The following PHKB variants were observed in gnomAD, a reference collection of about 807,000 sequenced individuals.
The protein encoded by PHKB is phosphorylase b kinase regulatory subunit beta.
Under a neutral mutation model 152.1 loss-of-function variants are expected in PHKB, and 122 were observed. That is an observed-to-expected ratio of 0.80 (90% confidence interval 0.69 to 0.93). The LOEUF (loss-of-function observed/expected upper bound fraction) is 0.93, where lower values mean the gene tolerates loss of function less well. PHKB is among the 40% of genes least tolerant of loss of function. The probability of loss-of-function intolerance (pLI) is 0.00; values close to 1 mark genes in which losing one functional copy is unlikely to be tolerated. For synonymous variants in PHKB, 436 were observed against 464.9 expected (o/e 0.94, Z 0.80); for missense variants, 1,304 against 1,328.4 (o/e 0.98, Z 0.29).
chr16:47,512,633 A>G (rs972901718), intron 5 of PHKB, among the ~76,000 whole-genome samples: 1 of 152,182 alleles, frequency 6.6e-6, no homozygotes, highest in African/African-American at 2.4e-5. Flanking sequence ...TAAATTTTAT[A>G]CCTATGCTTA....
intron 7 of PHKB, among the ~76,000 whole-genome samples, chr16:47,579,455 G>A (rs1971805902): frequency 6.6e-6 from 1 of 152,088 alleles, no homozygotes; most frequent in South Asian, 2.1e-4. Flanking sequence ...CTGCTCTGGG[G>A]ACCATAGTTT....
chr16:47,555,748 G>C (rs910127307), intron 7 of PHKB, among the ~76,000 whole-genome samples: 1 of 152,166 alleles, frequency 6.6e-6, no homozygotes, highest in African/African-American at 2.4e-5. Flanking sequence ...GGATTGACTT[G>C]GCGATGTGGG....
At chr16:47,505,670 G>T (rs1338195519) in intron 4 of PHKB, 1 of 152,150 alleles carries the variant, frequency 6.6e-6, no homozygotes, top group Non-Finnish European at 1.5e-5. Flanking sequence ...AAGTAACTTT[G>T]CAGGCAGTTT....
intron 12 of PHKB, 104 bp from the exon 13 acceptor site, chr16:47,596,269 T>A (rs1972117235): frequency 3.7e-6 from 3 of 821,694 alleles, no homozygotes; most frequent in Non-Finnish European, 5.8e-6. Context: ...TTAAAACTCC[T>A]TCCTTTATAA....
intron 1 of PHKB, among the ~76,000 whole-genome samples, chr16:47,482,140 G>A (rs1969974523): frequency 6.6e-6 from 1 of 152,236 alleles, no homozygotes; most frequent in South Asian, 2.1e-4. Context: ...ACTATAGGTA[G>A]GTCTTTGCAA....
chr16:47,646,531 A>T (rs1334262106), intron 16 of PHKB, among the ~76,000 whole-genome samples: 3 of 128,194 alleles, frequency 2.3e-5, no homozygotes, highest in Non-Finnish European at 4.9e-5. Context: ...AGAGTATAAT[A>T]AAAAAAAAAA....
chr16:47,566,456 C>T, intron 7 of PHKB: 3 of 1,609,198 alleles, frequency 1.9e-6, no homozygotes, highest in South Asian at 1.1e-5. Flanking sequence ...GCAGGGAATC[C>T]AGGTCCTCAA....
chr16:47,698,809 A>G (rs1974199911), intron 30 of PHKB, among the ~76,000 whole-genome samples: 1 of 152,112 alleles, frequency 6.6e-6, no homozygotes. Flanking sequence ...AAAGAGATCT[A>G]GAAAGAGATA....
intron 1 of PHKB, among the ~76,000 whole-genome samples, chr16:47,472,554 G>A (rs532176176): frequency 3.3e-5 from 5 of 152,136 alleles, no homozygotes; most frequent in Admixed American, 6.5e-5. Context: ...AGGCCGAGAC[G>A]GGCGGATCAC....
At position 47,596,187 on chromosome 16, in the gene PHKB, C is replaced by T. The variant is rs573434630; in HGVS notation, c.1205-186C>T. Among the ~76,000 whole-genome samples the T allele has an allele frequency of 2.6e-5, 4 of 152,212 alleles. No homozygotes were observed. The East Asian group carries it at 5.8e-4, about 22-fold the overall frequency. ...CCCTCTTGCCTGCCACCATATAAAA[C>T]GTACCTTTGCTCTTCCTTCGCCTTC... On this transcript the variant is annotated intron_variant, in intron 12 of 30. Transcript: ENST00000323584.
chr16:47,496,531 C>T (rs1263012451), intron 1 of PHKB, among the ~76,000 whole-genome samples: 1 of 152,034 alleles, frequency 6.6e-6, no homozygotes, highest in African/African-American at 2.4e-5. Flanking sequence ...GTGCTATGTT[C>T]TTAGGCTATA....
At chr16:47,645,058 A>C (rs1349060019) in intron 16 of PHKB, among the ~76,000 whole-genome samples, 4 of 152,264 alleles carry the variant, frequency 2.6e-5, no homozygotes, top group Non-Finnish European at 5.9e-5. Context: ...CAAATTCCCC[A>C]TAGAAAAGGG....
At position 47,693,488 on chromosome 16, in the gene PHKB, C is replaced by T. The variant is rs764252270; in HGVS notation, c.2876C>T (p.Ala959Val). 1 of 1,613,908 alleles carries T rather than the reference C, an allele frequency of 6.2e-7. No individual in the cohort carries two copies. The highest frequency in any genetic ancestry group is 8.5e-7 in the Non-Finnish European group (1 of 1,180,004). Reference sequence around the variant, plus strand: ...CGCACGCCCAATGGGATCATTGTTGCTGGGAAGCATTTGCCTCAGGTAAAG... The same window carrying T: ...CGCACGCCCAATGGGATCATTGTTGTTGGGAAGCATTTGCCTCAGGTAAAG... ...LERTPNGIIV[A>V]GKHLPQQPTL... Residue 959 changes from alanine to valine, a missense_variant, in exon 28 of 31, where the codon GCT becomes GTT. By Grantham distance (64) the Ala-to-Val change is moderately conservative. Coordinates refer to ENST00000323584, the MANE Select transcript of PHKB (RefSeq NM_000293.3).
intron 10 of PHKB, among the ~76,000 whole-genome samples, chr16:47,589,883 C>T (rs1567317615): frequency 6.6e-6 from 1 of 152,124 alleles, no homozygotes; most frequent in Non-Finnish European, 1.5e-5. Context: ...CTCCTGGGTT[C>T]AAGCAATTCT....
intron 13 of PHKB, among the ~76,000 whole-genome samples, chr16:47,607,183 A>G (rs1176905805): frequency 6.6e-6 from 1 of 152,138 alleles, no homozygotes; most frequent in Non-Finnish European, 1.5e-5. Context: ...TACATACCAT[A>G]TATTTTACCT....
intron 6 of PHKB, among the ~76,000 whole-genome samples, chr16:47,537,997 A>G (rs865995932): frequency 1.3e-5 from 2 of 151,746 alleles, no homozygotes; most frequent in African/African-American, 2.4e-5. Flanking sequence ...GGCTCAAGCA[A>G]TCTTCCCACC....
rs144728855 is a variant in PHKB at position 47,536,910 on chromosome 16, C to T, written c.595-10523C>T. ...AGACTTCACTAAGAAAAGTTTTGAACGGGGGCTGAAGGAAGATTCATAGAA... is the reference window on the plus strand; with the variant it reads ...AGACTTCACTAAGAAAAGTTTTGAATGGGGGCTGAAGGAAGATTCATAGAA... On this transcript the variant is annotated intron_variant, in intron 6 of 30. Transcript: ENST00000323584. Among the ~76,000 whole-genome samples, 109 of 152,174 alleles carry T rather than the reference C, an allele frequency of 7.2e-4. 1 individual carries two copies. The highest frequency in any genetic ancestry group is 2.3e-3 in the African/African-American group (96 of 41,516).
At chr16:47,588,834 A>G (rs536289329) in intron 9 of PHKB, 71 bp from the exon 10 acceptor site, 36 of 1,327,700 alleles carry the variant, frequency 2.7e-5, no homozygotes, top group Non-Finnish European at 3.4e-5. Flanking sequence ...TTTCATCTCT[A>G]TCATTCTCCT....
chr16:47,634,060 G>A (rs1351416009), intron 14 of PHKB, among the ~76,000 whole-genome samples: 2 of 152,128 alleles, frequency 1.3e-5, no homozygotes, highest in Admixed American at 1.3e-4. Flanking sequence ...TTGATAGATG[G>A]CTAATTTTTT....
Sources: allele counts gnomAD v4.1 joint callset (sites outside exome capture counted in the v4.1 genomes callset), GRCh38; gene constraint gnomAD v4.1.1; transcripts MANE v1.5; gene names NCBI Gene and HGNC (gene_info 2026-07-23, HGNC 2026-07-21).